The following ASTN2 variants were observed in gnomAD, a reference collection of about 807,000 sequenced individuals.
ASTN2 encodes astrotactin-2.
ASTN2 carries 54 observed loss-of-function variants against 139.8 expected under a neutral mutation model. The ratio of observed to expected loss-of-function variants is 0.39; its 90% CI spans 0.31 to 0.48. The LOEUF is 0.48. ASTN2 is among the 20% of genes least tolerant of loss of function. The pLI is 0.95. For missense variants in ASTN2, 1,565 were observed against 1,725.1 expected (o/e 0.91, Z 1.64); for synonymous variants, 756 against 719.5 (o/e 1.05, Z -0.81).
chr9:116,931,215 T>A (rs1481616993), intron 10 of ASTN2, among the ~76,000 whole-genome samples: 1 of 152,222 alleles, frequency 6.6e-6, no homozygotes, highest in African/African-American at 2.4e-5. Flanking sequence ...CCTTTATCGC[T>A]AAGCCTCATC....
chr9:117,100,228 C>T (rs751867928), intron 4 of ASTN2, among the ~76,000 whole-genome samples: 1 of 152,214 alleles, frequency 6.6e-6, no homozygotes, highest in Admixed American at 6.5e-5. Context: ...AAGGCTTTCC[C>T]TTCTGGTCAA....
intron 10 of ASTN2, among the ~76,000 whole-genome samples, chr9:116,953,484 G>C (rs972425735): frequency 6.6e-6 from 1 of 152,188 alleles, no homozygotes; most frequent in African/African-American, 2.4e-5. Context: ...GAGGAACCCA[G>C]AATGAGACAC....
At chr9:116,777,128 C>T (rs1830104240) in intron 13 of ASTN2, among the ~76,000 whole-genome samples, 1 of 152,066 alleles carries the variant, frequency 6.6e-6, no homozygotes, top group Non-Finnish European at 1.5e-5. Flanking sequence ...ACAATGGAGC[C>T]AATAGGTGCT....
intron 10 of ASTN2, among the ~76,000 whole-genome samples, chr9:116,915,790 G>A (rs1261368459): frequency 6.6e-6 from 1 of 152,180 alleles, no homozygotes; most frequent in East Asian, 1.9e-4. Flanking sequence ...CTGTTCATCT[G>A]CATCCTTTAG....
At chr9:116,683,079 T>C (rs1266237113) in intron 16 of ASTN2, among the ~76,000 whole-genome samples, 2 of 151,592 alleles carry the variant, frequency 1.3e-5, no homozygotes, top group African/African-American at 4.8e-5. Context: ...AAAGTGTGGC[T>C]GCCCTAAAAT....
chr9:116,519,259 C>T (rs1044696563), intron 19 of ASTN2, among the ~76,000 whole-genome samples: 7 of 151,896 alleles, frequency 4.6e-5, no homozygotes, highest in Non-Finnish European at 8.8e-5. Flanking sequence ...TGATAGGCCA[C>T]AAAACAAGTC....
intron 13 of ASTN2, among the ~76,000 whole-genome samples, chr9:116,796,254 G>A (rs1225085975): frequency 6.6e-6 from 1 of 152,134 alleles, no homozygotes; most frequent in Non-Finnish European, 1.5e-5. Context: ...GGCCAAGCTG[G>A]GACTCTGAGT....
intron 13 of ASTN2, among the ~76,000 whole-genome samples, chr9:116,791,680 A>G (rs538379549): frequency 6.6e-6 from 1 of 152,354 alleles, no homozygotes. Context: ...ATCTGTTCAT[A>G]GGTTCCCTAA....
intron 3 of ASTN2, among the ~76,000 whole-genome samples, chr9:117,171,192 G>A (rs1452929185): frequency 7.6e-6 from 1 of 132,256 alleles, no homozygotes; most frequent in Non-Finnish European, 1.7e-5. Context: ...AAAATATTAC[G>A]AGGAAGCACA....
intron 5 of ASTN2, among the ~76,000 whole-genome samples, chr9:117,058,855 C>A (rs143993082): frequency 1.3e-5 from 2 of 152,258 alleles, no homozygotes; most frequent in African/African-American, 4.8e-5. Flanking sequence ...GGCATTTAAG[C>A]CCTGTCCTGG....
chr9:116,881,050 C>A (rs1307506576), intron 10 of ASTN2, among the ~76,000 whole-genome samples: 1 of 152,042 alleles, frequency 6.6e-6, no homozygotes, highest in African/African-American at 2.4e-5. Context: ...AAGATGAGAA[C>A]ATGAGGAGGA....
chr9:116,903,846 C>T (rs1327048043), intron 10 of ASTN2, among the ~76,000 whole-genome samples: 1 of 152,114 alleles, frequency 6.6e-6, no homozygotes, highest in Non-Finnish European at 1.5e-5. Context: ...AGGCTGATGC[C>T]CTGGGGATGT....
Position 116,937,174 on chromosome 9 carries a change from C to A in ASTN2, c.1889+38034G>T, listed in dbSNP as rs139819676. ...TGGAGGTCTGGTAATTCTTTTTCCG[C>A]CTTAAAATGCTTTCATGGTTTCAGA... On this transcript the variant is annotated intron_variant, in intron 10 of 22. Coordinates refer to ENST00000313400, the MANE Select transcript of ASTN2 (RefSeq NM_001365068.1). Among the ~76,000 whole-genome samples, 352 of 152,212 alleles carry A rather than the reference C, an allele frequency of 2.3e-3. 2 individuals are homozygous for A. The highest frequency in any genetic ancestry group is 7.7e-3 in the African/African-American group (321 of 41,532).
At chr9:116,641,121 A>C (rs1857307446) in intron 17 of ASTN2, among the ~76,000 whole-genome samples, 1 of 152,208 alleles carries the variant, frequency 6.6e-6, no homozygotes, top group African/African-American at 2.4e-5. Flanking sequence ...ATGAGAAGTT[A>C]CTGTACTTTT....
intron 13 of ASTN2, among the ~76,000 whole-genome samples, chr9:116,736,807 T>C (rs946860608): frequency 6.6e-6 from 1 of 152,208 alleles, no homozygotes; most frequent in Non-Finnish European, 1.5e-5. Flanking sequence ...GAAATGTTCT[T>C]ACAATTGTAG....
intron 10 of ASTN2, among the ~76,000 whole-genome samples, chr9:116,885,275 C>A (rs915773550): frequency 3.9e-5 from 6 of 152,112 alleles, no homozygotes; most frequent in Admixed American, 2.0e-4. Flanking sequence ...ATAATAAATA[C>A]CCTGACTTGA....
chr9:116,485,516 C>T (rs180932791), intron 20 of ASTN2, among the ~76,000 whole-genome samples: 1 of 152,330 alleles, frequency 6.6e-6, no homozygotes, highest in East Asian at 1.9e-4. Context: ...ATGCAGTTGT[C>T]CCAGAGCCCA....
chr9:116,710,909 A>G (rs911183924), intron 16 of ASTN2, among the ~76,000 whole-genome samples: 4 of 152,166 alleles, frequency 2.6e-5, no homozygotes, highest in South Asian at 2.1e-4. Flanking sequence ...TGTTTGACAC[A>G]TTTAATGATT....
At chr9:116,832,642 GTTA>G (rs1168122208) in intron 11 of ASTN2, among the ~76,000 whole-genome samples, 1 of 151,734 alleles carries the variant, frequency 6.6e-6, no homozygotes, top group African/African-American at 2.4e-5. Context: ...TCTTCTGCCT[GTTA>G]TTATAATATA....
Sources: allele counts gnomAD v4.1 joint callset (sites outside exome capture counted in the v4.1 genomes callset), GRCh38; gene constraint gnomAD v4.1.1; transcripts MANE v1.5; gene names NCBI Gene and HGNC (gene_info 2026-07-23, HGNC 2026-07-21).